Variants in EPHA5 observed in about 807,000 individuals in gnomAD.
EPHA5 encodes ephrin type-A receptor 5.
A neutral mutation model predicts 105.0 loss-of-function variants in EPHA5; 60 were observed. The ratio of observed to expected loss-of-function variants is 0.57; its 90% confidence interval spans 0.46 to 0.71. The LOEUF (loss-of-function observed/expected upper bound fraction) is 0.71. Among genes scored for constraint, EPHA5 ranks in the 30% least tolerant of loss-of-function variants. EPHA5 has a pLI of 0.00. For synonymous variants in EPHA5, 513 were observed against 449.1 expected, an observed-to-expected ratio of 1.14 and a Z score of -1.80; for missense variants, 1,218 against 1,274.7, an observed-to-expected ratio of 0.96 and a Z score of 0.68.
chr4:65,658,644 G>A (rs1298856407), intron 1 of EPHA5, among the ~76,000 whole-genome samples: 1 of 151,900 alleles, frequency 6.6e-6, no homozygotes, highest in Admixed American at 6.6e-5. Context: ...TCAATTCTAA[G>A]CCATATTGTT....
intron 3 of EPHA5, among the ~76,000 whole-genome samples, chr4:65,547,676 A>G (rs1023853269): frequency 4.6e-5 from 7 of 152,108 alleles, no homozygotes; most frequent in Non-Finnish European, 7.4e-5. Flanking sequence ...GTGTTTTGAG[A>G]AACTTTCCCT....
chr4:65,546,835 T>G (rs1737421056), intron 3 of EPHA5, among the ~76,000 whole-genome samples: 1 of 129,648 alleles, frequency 7.7e-6, no homozygotes, highest in Non-Finnish European at 1.6e-5. Context: ...TCAAAAAATG[T>G]TATTTTCTAA....
At chr4:65,623,109 A>G (rs1041218314) in intron 2 of EPHA5, among the ~76,000 whole-genome samples, 2 of 152,154 alleles carry the variant, frequency 1.3e-5, no homozygotes, top group East Asian at 1.9e-4. Flanking sequence ...ATTATTTGAA[A>G]CTTGAAAATC....
chr4:65,587,052 T>C (rs145139944), intron 3 of EPHA5, among the ~76,000 whole-genome samples: 1 of 152,282 alleles, frequency 6.6e-6, no homozygotes, highest in African/African-American at 2.4e-5. Flanking sequence ...GTCTTTGTTT[T>C]GTTTTGTGTT....
At chr4:65,546,804 C>A (rs1737416746) in intron 3 of EPHA5, among the ~76,000 whole-genome samples, 1 of 151,996 alleles carries the variant, frequency 6.6e-6, no homozygotes. Context: ...TTTTAAATAA[C>A]CATTGAGTTC....
At chr4:65,495,896 A>G (rs887942569) in intron 3 of EPHA5, among the ~76,000 whole-genome samples, 1 of 152,168 alleles carries the variant, frequency 6.6e-6, no homozygotes, top group African/African-American at 2.4e-5. Flanking sequence ...TACTACAACT[A>G]TGTTGAAGAA....
At chr4:65,669,030 C>T (rs1473580477) in intron 1 of EPHA5, among the ~76,000 whole-genome samples, 2 of 151,956 alleles carry the variant, frequency 1.3e-5, no homozygotes, top group Non-Finnish European at 2.9e-5. Context: ...GCTGGTGATG[C>T]CCTAAATAAC....
intron 3 of EPHA5, among the ~76,000 whole-genome samples, chr4:65,574,518 C>T (rs1249558964): frequency 6.8e-6 from 1 of 147,498 alleles, no homozygotes; most frequent in East Asian, 2.0e-4. Flanking sequence ...TGTCATTCCA[C>T]ATAATGTAGT....
chr4:65,424,884 A>T (rs1724273150), intron 5 of EPHA5, among the ~76,000 whole-genome samples: 1 of 152,120 alleles, frequency 6.6e-6, no homozygotes, highest in South Asian at 2.1e-4. Context: ...ATAGAACAAT[A>T]TCTTCCTCAT....
At chr4:65,594,347 C>A (rs1381562573) in intron 3 of EPHA5, among the ~76,000 whole-genome samples, 1 of 152,046 alleles carries the variant, frequency 6.6e-6, no homozygotes, top group Non-Finnish European at 1.5e-5. Context: ...ATTCTCCATC[C>A]ATATAACCAT....
intron 5 of EPHA5, among the ~76,000 whole-genome samples, chr4:65,433,561 T>C (rs72641037): frequency 0.016 from 2,441 of 152,274 alleles, 35 homozygotes; most frequent in South Asian, 0.034. Flanking sequence ...AATTTCCTAT[T>C]GCTGCTACAA....
intron 6 of EPHA5, 99 bp from the exon 7 acceptor site, chr4:65,414,542 A>C: frequency 1.6e-6 from 2 of 1,278,554 alleles, no homozygotes; most frequent in Non-Finnish European, 1.1e-6. Context: ...TCAGAAACCA[A>C]AGGACTCTAT....
chr4:65,467,763 T>A (rs908838659), intron 5 of EPHA5, among the ~76,000 whole-genome samples: 2 of 152,118 alleles, frequency 1.3e-5, no homozygotes, highest in African/African-American at 4.8e-5. Context: ...GCAGATAGAA[T>A]AAAGTTTGCT....
At chr4:65,441,097 G>A (rs780015570) in intron 5 of EPHA5, among the ~76,000 whole-genome samples, 35 of 151,814 alleles carry the variant, frequency 2.3e-4, no homozygotes, top group Non-Finnish European at 4.4e-4. Context: ...ATTTAAAGAT[G>A]GATAATCCCT....
At chr4:65,495,238 A>G in intron 4 of EPHA5, 150 bp downstream of exon 4, 1 of 771,892 alleles carries the variant, frequency 1.3e-6, no homozygotes, top group Non-Finnish European at 2.0e-6. Context: ...TTATTCAAGG[A>G]GATTGAAAAT....
chr4:65,521,689 A>G (rs1160293098), intron 3 of EPHA5, among the ~76,000 whole-genome samples: 1 of 152,064 alleles, frequency 6.6e-6, no homozygotes, highest in East Asian at 1.9e-4. Flanking sequence ...CATTATAGAA[A>G]TGCCAAACCT....
At chr4:65,425,432 T>C (rs1724337821) in intron 5 of EPHA5, among the ~76,000 whole-genome samples, 1 of 152,010 alleles carries the variant, frequency 6.6e-6, no homozygotes, top group African/African-American at 2.4e-5. Flanking sequence ...GCCACTACAG[T>C]ATTCCAAAAC....
intron 13 of EPHA5, among the ~76,000 whole-genome samples, chr4:65,349,040 T>C (rs1331498555): frequency 2.0e-5 from 3 of 151,608 alleles, no homozygotes; most frequent in Admixed American, 6.6e-5. Flanking sequence ...GCTCTCCAAC[T>C]CCTGACCTCA....
At chr4:65,410,806 G>C (rs1722841362) in intron 7 of EPHA5, among the ~76,000 whole-genome samples, 1 of 152,060 alleles carries the variant, frequency 6.6e-6, no homozygotes, top group Admixed American at 6.6e-5. Flanking sequence ...TCCTCATTCA[G>C]ACTACACAGA....
Sources: allele counts gnomAD v4.1 joint callset (sites outside exome capture counted in the v4.1 genomes callset), GRCh38; gene constraint gnomAD v4.1.1; transcripts MANE v1.5; gene names NCBI Gene and HGNC (gene_info 2026-07-23, HGNC 2026-07-21).